MDGA2: variants seen among roughly 807,000 people sequenced by gnomAD.
MDGA2 encodes MAM domain containing glycosylphosphatidylinositol anchor 2, also known as MAM domain-containing glycosylphosphatidylinositol anchor protein 2.
In MDGA2, 40 loss-of-function variants were observed where a neutral mutation model predicts 117.8. The ratio of observed to expected loss-of-function variants is 0.34; its 90% confidence interval spans 0.26 to 0.44. The LOEUF (loss-of-function observed/expected upper bound fraction) is 0.44. Among genes scored for constraint, MDGA2 ranks in the 20% least tolerant of loss-of-function variants. The pLI is 1.00. For missense variants in MDGA2, 1,123 were observed against 1,250.6 expected (o/e 0.90, Z 1.54); for synonymous variants, 452 against 439.0 (o/e 1.03, Z -0.37).
chr14:47,376,450 G>T (rs1456408260), intron 1 of MDGA2, among the ~76,000 whole-genome samples: 2 of 151,996 alleles, frequency 1.3e-5, no homozygotes, highest in Non-Finnish European at 2.9e-5. Context: ...TAGGTTTGTT[G>T]TCTTATTCAA....
At chr14:47,600,520 T>C (rs1896628672) in intron 1 of MDGA2, among the ~76,000 whole-genome samples, 5 of 152,098 alleles carry the variant, frequency 3.3e-5, no homozygotes, top group Admixed American at 3.3e-4. Context: ...AATGTCTACA[T>C]GGTTCCTTTT....
intron 9 of MDGA2, among the ~76,000 whole-genome samples, chr14:46,926,973 A>C (rs1329213361): frequency 1.3e-5 from 2 of 152,050 alleles, no homozygotes; most frequent in East Asian, 3.9e-4. Flanking sequence ...CTGAGCGTAG[A>C]CTCCTAAATT....
intron 6 of MDGA2, among the ~76,000 whole-genome samples, chr14:47,068,334 T>G (rs954414538): frequency 6.6e-6 from 1 of 151,340 alleles, no homozygotes; most frequent in Non-Finnish European, 1.5e-5. Flanking sequence ...GGGGAAAAAG[T>G]GAACTAAAAT....
chr14:47,581,378 T>C (rs1168339610), intron 1 of MDGA2, among the ~76,000 whole-genome samples: 2 of 152,008 alleles, frequency 1.3e-5, no homozygotes, highest in African/African-American at 2.4e-5. Context: ...TATTTGAGGA[T>C]ATAAGAATTG....
intron 3 of MDGA2, among the ~76,000 whole-genome samples, chr14:47,170,048 C>G (rs1463102767): frequency 6.6e-6 from 1 of 152,094 alleles, no homozygotes; most frequent in Non-Finnish European, 1.5e-5. Context: ...CGGAGTTAAT[C>G]TGCCTATACT....
intron 8 of MDGA2, among the ~76,000 whole-genome samples, chr14:46,976,136 A>G (rs1470948973): frequency 6.6e-6 from 1 of 152,172 alleles, no homozygotes; most frequent in Non-Finnish European, 1.5e-5. Context: ...AAGATGGATG[A>G]CAGTGTTGGA....
chr14:47,578,936 G>T lies in MDGA2; in HGVS notation c.280+95581C>A, dbSNP rs528990483. On this transcript the variant is annotated intron_variant, in intron 1 of 16. Transcript: ENST00000399232. ...AAAGATTTTCTTAAGGCAAACTTCTGGGAGTACCATGTTAGGTCAAAGTAT... is the reference window on the plus strand; with the variant it reads ...AAAGATTTTCTTAAGGCAAACTTCTTGGAGTACCATGTTAGGTCAAAGTAT... 1.6e-4 allele frequency among the ~76,000 whole-genome samples: 25 copies of T among 152,180 alleles called. No individual in the cohort carries two copies. The South Asian group carries it at 5.2e-3, about 32-fold the overall frequency.
intron 3 of MDGA2, among the ~76,000 whole-genome samples, chr14:47,174,391 G>T (rs144910908): frequency 6.6e-6 from 1 of 152,028 alleles, no homozygotes; most frequent in Non-Finnish European, 1.5e-5. Context: ...TGACCACATA[G>T]TTGGAAGTAA....
intron 1 of MDGA2, chr14:47,343,076 T>C: frequency 1.6e-6 from 2 of 1,277,674 alleles, no homozygotes. Context: ...AAGGGATTCA[T>C]ACTTGAACAT....
chr14:47,278,165 T>G (rs1888364699), intron 2 of MDGA2, among the ~76,000 whole-genome samples: 1 of 151,654 alleles, frequency 6.6e-6, no homozygotes, highest in African/African-American at 2.4e-5. Flanking sequence ...TAAATAAAAA[T>G]AAACGAATGA....
chr14:47,630,929 C>T (rs1897241903), intron 1 of MDGA2, among the ~76,000 whole-genome samples: 1 of 152,192 alleles, frequency 6.6e-6, no homozygotes, highest in Admixed American at 6.5e-5. Context: ...CTCACAGCAA[C>T]CTAGTGAGGT....
rs556501269 is a variant in MDGA2, at chr14:47,325,221, A to C, written c.281-23671T>G. Among the ~76,000 whole-genome samples the C allele has an allele frequency of 3.9e-5, 6 of 152,300 alleles. No homozygotes were observed. The South Asian group carries it at 1.2e-3, about 32-fold the overall frequency. On this transcript the variant is annotated intron_variant, in intron 1 of 16. Coordinates refer to ENST00000399232, the MANE Select transcript of MDGA2 (RefSeq NM_001113498.3). ...TCTCTCAACTAAACTATGAAACTGA[A>C]ATAGAAAATTCAGCAACACTGAAGT... is the stretch of plus-strand genomic sequence containing the variant.
rs887905316 is a variant in MDGA2, at chr14:47,027,626, A to ATT, written c.1819+7383_1819+7384dup. Among the ~76,000 whole-genome samples the ATT allele has an allele frequency of 3.1e-4, 20 of 65,120 alleles. No individual in the cohort carries two copies. In the South Asian group the frequency reaches 3.4e-3, roughly 11 times the overall value. 42.7% of individuals were successfully genotyped at this position (65,120 alleles called of 152,430 possible). A position where few individuals can be genotyped will look rare whatever the true frequency, so the allele number is the denominator to read the frequency against. ...ATTGCTCTATCTGAAGATATTATAT[A>ATT]TTATATATATATATATATGCAATGC... On this transcript the variant is annotated intron_variant, in intron 8 of 16. Transcript: ENST00000399232.
intron 1 of MDGA2, among the ~76,000 whole-genome samples, chr14:47,537,641 A>T (rs1290792798): frequency 1.4e-5 from 2 of 147,502 alleles, no homozygotes; most frequent in Non-Finnish European, 3.0e-5. Context: ...AGCTTGTTAC[A>T]GTACTAAATG....
intron 10 of MDGA2, among the ~76,000 whole-genome samples, chr14:46,897,226 C>G (rs918142490): frequency 2.0e-5 from 3 of 152,108 alleles, no homozygotes; most frequent in Admixed American, 1.3e-4. Context: ...TCTAGTATCA[C>G]TCTCCACTGA....
At chr14:46,874,960 A>G (rs1421257656) in intron 12 of MDGA2, among the ~76,000 whole-genome samples, 1 of 151,786 alleles carries the variant, frequency 6.6e-6, no homozygotes, top group Non-Finnish European at 1.5e-5. Context: ...CTTGAAAAAA[A>G]TAGGTATAAA....
chr14:47,601,729 C>G (rs1896652148), intron 1 of MDGA2, among the ~76,000 whole-genome samples: 1 of 152,078 alleles, frequency 6.6e-6, no homozygotes, highest in African/African-American at 2.4e-5. Context: ...TCAGTGGCAT[C>G]TGAGACAAGG....
chr14:47,071,209 T>C (rs1594588622), intron 6 of MDGA2, among the ~76,000 whole-genome samples: 3 of 152,320 alleles, frequency 2.0e-5, no homozygotes, highest in Non-Finnish European at 2.9e-5. Context: ...TGGAATGTCA[T>C]GTAAGTACGA....
intron 1 of MDGA2, among the ~76,000 whole-genome samples, chr14:47,489,957 A>G (rs529528841): frequency 6.6e-6 from 1 of 152,176 alleles, no homozygotes; most frequent in South Asian, 2.1e-4. Context: ...TCATACTCAT[A>G]TATACTTTTG....
Sources: gnomAD v4.1 joint callset for allele counts (sites outside exome capture counted in the v4.1 genomes callset) on GRCh38, gnomAD v4.1.1 for gene constraint, MANE v1.5 for transcripts, NCBI Gene and HGNC (gene_info 2026-07-23, HGNC 2026-07-21) for gene names.